ICA1: variants seen among roughly 807,000 people sequenced by gnomAD.
The protein encoded by ICA1 is islet cell autoantigen 1.
Under a neutral mutation model 71.0 loss-of-function variants are expected in ICA1, and 40 were observed. The observed-to-expected ratio is 0.56, with a 90% CI of 0.44 to 0.73. The LOEUF is 0.73. ICA1 is among the 30% of genes least tolerant of loss of function. ICA1 has a pLI of 0.00. For synonymous variants in ICA1, 207 were observed against 209.5 expected (o/e 0.99, Z 0.10); for missense variants, 578 against 576.5 (o/e 1.00, Z -0.03).
In ICA1 at chr7:8,146,140, A is replaced by G. The variant is rs1207118106; in HGVS notation, c.805-2168T>C. On this transcript the variant is annotated intron_variant, in intron 8 of 13. Transcript: ENST00000402384. ...AGGTGCTGTTGGGTGCTTTGGATAC[A>G]CCGGTGAACACGACAGACAAAATTA... is the stretch of plus-strand genomic sequence containing the variant. Among the ~76,000 whole-genome samples the G allele has an allele frequency of 2.0e-5, 3 of 152,322 alleles. No individual in the cohort carries two copies. The East Asian group carries it at 5.8e-4, about 29-fold the overall frequency.
At position 8,222,775 on chromosome 7, in the gene ICA1, T is replaced by C. The variant is rs1336321891; in HGVS notation, c.257-1377A>G. ...CATCAAAGGCCTGCTCGCAGGTTCC[T>C]TTCTCTGTGAAGCAATTGATCCCTA... On this transcript the variant is annotated intron_variant, in intron 4 of 13. Coordinates refer to ENST00000402384, the MANE Select transcript of ICA1 (RefSeq NM_001136020.3). This position sits in a 1 kb window ranked among gnomAD's most constrained non-coding sequence, Gnocchi z 4.8. Among the ~76,000 whole-genome samples the C allele has an allele frequency of 6.6e-6, 1 of 152,186 alleles. No homozygotes were observed. The highest frequency in any genetic ancestry group is 1.5e-5 in the Non-Finnish European group (1 of 68,024).
chr7:8,168,597 A>C (rs962560119), intron 6 of ICA1, among the ~76,000 whole-genome samples: 3 of 152,170 alleles, frequency 2.0e-5, no homozygotes, highest in Non-Finnish European at 4.4e-5. Flanking sequence ...TGTTGATCTT[A>C]TCAGTTTCAA....
chr7:8,143,927 T>G lies in ICA1; in HGVS notation c.850A>C (p.Lys284Gln). 6.2e-7 allele frequency: 1 copy of G among 1,612,910 alleles called. No individual in the cohort carries two copies. Among genetic ancestry groups the G allele is most frequent in the Non-Finnish European group, 8.5e-7 (1 of 1,179,014 alleles). The part of the protein sequence containing the change: ...MKKLVEKEEK[K>Q]KINQQESTDA... ...GTACTTTCCTGCTGGTTGATTTTCTTCTTCTCTTCTTTCTCAACTAATTTT... is the reference window on the plus strand; with the variant it reads ...GTACTTTCCTGCTGGTTGATTTTCTGCTTCTCTTCTTTCTCAACTAATTTT... The change falls in exon 9 of 14, where the codon AAG becomes CAG. Residue 284 changes from lysine to glutamine, a missense_variant. Transcript: ENST00000402384.
intron 6 of ICA1, among the ~76,000 whole-genome samples, chr7:8,182,411 C>A (rs1338393473): frequency 6.6e-6 from 1 of 152,192 alleles, no homozygotes; most frequent in Non-Finnish European, 1.5e-5. Flanking sequence ...GTGCCTAACA[C>A]ATTTTAATTG....
intron 1 of ICA1, among the ~76,000 whole-genome samples, chr7:8,240,473 T>C (rs929562803): frequency 6.6e-6 from 1 of 152,120 alleles, no homozygotes; most frequent in Non-Finnish European, 1.5e-5. Context: ...GCAGAAAAGC[T>C]GAAAATTCTA....
chr7:8,163,643 C>T (rs1179680364), intron 6 of ICA1, among the ~76,000 whole-genome samples: 1 of 152,168 alleles, frequency 6.6e-6, no homozygotes, highest in African/African-American at 2.4e-5. Context: ...GGACATGGTG[C>T]TCAACCTCTA....
At chr7:8,261,085 A>T (rs1812161583) in intron 1 of ICA1, among the ~76,000 whole-genome samples, 1 of 152,204 alleles carries the variant, frequency 6.6e-6, no homozygotes, top group Non-Finnish European at 1.5e-5. Context: ...CCAGGCCTTG[A>T]TAATTTTTAT....
intron 1 of ICA1, among the ~76,000 whole-genome samples, chr7:8,250,086 A>T (rs1238461733): frequency 6.6e-6 from 1 of 152,202 alleles, no homozygotes; most frequent in African/African-American, 2.4e-5. Flanking sequence ...GAACAGGGGA[A>T]ATACTGATTT....
At chr7:8,190,731 T>C (rs1362757342) in intron 6 of ICA1, among the ~76,000 whole-genome samples, 1 of 152,246 alleles carries the variant, frequency 6.6e-6, no homozygotes, top group Non-Finnish European at 1.5e-5. Context: ...CATAAGTTTG[T>C]CATTAGAATG....
At chr7:8,131,112 C>T (rs889704018) in intron 12 of ICA1, among the ~76,000 whole-genome samples, 9 of 152,198 alleles carry the variant, frequency 5.9e-5, no homozygotes, top group African/African-American at 2.2e-4. Flanking sequence ...GGAAGAGGGC[C>T]TCTCTTTCTT....
At chr7:8,164,948 CT>C (rs1257112163) in intron 6 of ICA1, among the ~76,000 whole-genome samples, 1 of 152,082 alleles carries the variant, frequency 6.6e-6, no homozygotes, top group Non-Finnish European at 1.5e-5. Context: ...CTGGTGGCAC[CT>C]GCCTGTAGTC....
At chr7:8,157,406 A>C in intron 7 of ICA1, 192 bp from the exon 8 acceptor site, 1 of 580,328 alleles carries the variant, frequency 1.7e-6, no homozygotes, top group Non-Finnish European at 2.9e-6. Flanking sequence ...GTTTCCCCAA[A>C]TGCTGCCTCC....
intron 10 of ICA1, among the ~76,000 whole-genome samples, chr7:8,140,025 A>G (rs3807843): frequency 0.23 from 34,655 of 152,198 alleles, 4,290 homozygotes; most frequent in African/African-American, 0.31. Context: ...CAAATACCAC[A>G]AGCAATTATA....
rs556404459 is a variant in ICA1, at chr7:8,223,498, G to A, written c.257-2100C>T. The A allele has an allele frequency of 1.3e-5, 2 of 154,618 alleles. No homozygotes were observed. Among genetic ancestry groups the A allele is most frequent in the African/African-American group, 4.8e-5 (2 of 41,534 alleles). The allele number at this position is 154,618 out of a possible 1,614,324, so 9.6% of individuals were successfully genotyped here. A position where few individuals can be genotyped will look rare whatever the true frequency, so the allele number is the denominator to read the frequency against. The stretch of plus-strand genomic sequence containing the variant: ...CTTGGCAATACTTACTCAGAGGGCA[G>A]TGGAAAGAAGTGTGAGCTCCATCAG... On this transcript the variant is annotated intron_variant, in intron 4 of 13. Transcript: ENST00000402384. The surrounding 1 kb of genome is among the most constrained non-coding windows in gnomAD (Gnocchi z 4.1).
intron 1 of ICA1, among the ~76,000 whole-genome samples, chr7:8,260,703 T>G (rs1448104454): frequency 6.6e-6 from 1 of 152,242 alleles, no homozygotes; most frequent in Non-Finnish European, 1.5e-5. Flanking sequence ...CCTGTGGTAT[T>G]CTCTACAAAG....
At chr7:8,172,720 A>T (rs535514271) in intron 6 of ICA1, among the ~76,000 whole-genome samples, 1 of 152,188 alleles carries the variant, frequency 6.6e-6, no homozygotes, top group Admixed American at 6.5e-5. Flanking sequence ...TTAAGAACAC[A>T]GTTTAATTTA....
intron 6 of ICA1, among the ~76,000 whole-genome samples, chr7:8,198,445 G>C (rs534866666): frequency 6.6e-6 from 1 of 152,294 alleles, no homozygotes; most frequent in South Asian, 2.1e-4. Flanking sequence ...GGCTTTGTGG[G>C]ATGTTGAGGA....
chr7:8,124,371 G>A (rs1319777318), intron 13 of ICA1, among the ~76,000 whole-genome samples: 4 of 151,058 alleles, frequency 2.6e-5, no homozygotes, highest in South Asian at 4.2e-4. Context: ...CGCCCACCTC[G>A]GCCTCCCAAA....
intron 6 of ICA1, among the ~76,000 whole-genome samples, chr7:8,198,240 C>T (rs2128320272): frequency 6.6e-6 from 1 of 152,328 alleles, no homozygotes; most frequent in African/African-American, 2.4e-5. Context: ...TTCTCTTTCT[C>T]CAGGTTGAAG....
Sources: gnomAD v4.1 joint callset for allele counts (sites outside exome capture counted in the v4.1 genomes callset) on GRCh38, gnomAD v4.1.1 for gene constraint, Gnocchi (gnomAD v3.1) non-coding constraint, MANE v1.5 for transcripts, NCBI Gene and HGNC (gene_info 2026-07-23, HGNC 2026-07-21) for gene names.